PLXNA4: variants seen among roughly 807,000 people sequenced by gnomAD.
PLXNA4 encodes plexin-A4.
In PLXNA4, 44 loss-of-function variants were observed where a neutral mutation model predicts 191.8. The ratio of observed to expected loss-of-function variants is 0.23; its 90% CI spans 0.18 to 0.29. The LOEUF (loss-of-function observed/expected upper bound fraction) is 0.29, where lower values mean the gene tolerates loss of function less well. PLXNA4 is among the 10% of genes least tolerant of loss of function. The pLI is 1.00. For missense variants in PLXNA4, 1,800 were observed against 2,488.8 expected, an observed-to-expected ratio of 0.72 and a Z score of 5.89; for synonymous variants, 1,082 against 1,009.5, an observed-to-expected ratio of 1.07 and a Z score of -1.36.
At chr7:132,510,151 C>T (rs1244642167) in intron 1 of PLXNA4, among the ~76,000 whole-genome samples, 52 of 152,254 alleles carry the variant, frequency 3.4e-4, no homozygotes, top group Non-Finnish European at 1.5e-5. Context: ...GCAGGAATTG[C>T]CAACATCCTA....
intron 3 of PLXNA4, among the ~76,000 whole-genome samples, chr7:132,421,953 T>A (rs1362696412): frequency 6.6e-6 from 1 of 152,228 alleles, no homozygotes; most frequent in Non-Finnish European, 1.5e-5. Context: ...CCTCCTTGGC[T>A]GTGAAATAGA....
At position 132,600,276 on chromosome 7, in the gene PLXNA4, T is replaced by C. The variant is rs574953545; in HGVS notation, c.-87+45652A>G. Among the ~76,000 whole-genome samples, 7 of 152,336 alleles carry C rather than the reference T, an allele frequency of 4.6e-5. No individual in the cohort carries two copies. The East Asian group carries it at 1.3e-3, about 29-fold the overall frequency. On this transcript the variant is annotated intron_variant, in intron 2 of 4. Transcript: ENST00000378539. ...TTTGATAGAATGAACCTTAAAACTA[T>C]CTGGGCTTAGAGTTTGGGGAGATAA... is the stretch of plus-strand genomic sequence containing the variant.
intron 8 of PLXNA4, among the ~76,000 whole-genome samples, chr7:132,224,882 C>A (rs1305813236): frequency 6.6e-6 from 1 of 152,212 alleles, no homozygotes; most frequent in Non-Finnish European, 1.5e-5. Flanking sequence ...GCCTAGATCT[C>A]TGGTCATGTC....
At chr7:132,568,573 C>G (rs547893382) in intron 1 of PLXNA4, among the ~76,000 whole-genome samples, 104 of 152,274 alleles carry the variant, frequency 6.8e-4, no homozygotes, top group Middle Eastern at 3.4e-3. Flanking sequence ...CCTGACATCA[C>G]GCCACCCCAC....
chr7:132,181,471 G>T lies in PLXNA4; in HGVS notation c.3402C>A (p.Thr1134=). ...CCGGGTTGGGATAGTAGGTGAAGTT[G>T]GTCTTGTTGAGGATGAGCAGGGACT... is the stretch of plus-strand genomic sequence containing the variant. The part of the protein sequence containing the change: ...NVQSLLILNK[T]NFTYYPNPVF... The change falls in exon 18 of 32, where the codon ACC becomes ACA. Residue 1134 remains threonine (T), a synonymous_variant. Coordinates refer to ENST00000321063, the MANE Select transcript of PLXNA4 (RefSeq NM_020911.2). 6.2e-7 allele frequency: 1 copy of T among 1,614,152 alleles called. No homozygotes were observed. The highest frequency in any genetic ancestry group is 1.1e-5 in the South Asian group (1 of 91,064).
chr7:132,210,991 C>T lies in PLXNA4; in HGVS notation c.2250G>A (p.Val750=), dbSNP rs187195602. ...TGGAGCTGTTGAAGCGCAGGGCGGG[C>T]ACTCGCTGCTCGCTGCCCTGAATGT... ...ILNIQGSEQR[V]PALRFNSSSV... Residue 750 remains valine, a synonymous_variant, in exon 10 of 32, where the codon GTG becomes GTA. Coordinates refer to ENST00000321063, the MANE Select transcript of PLXNA4 (RefSeq NM_020911.2). The T allele has an allele frequency of 2.6e-4, 427 of 1,613,664 alleles. No individual in the cohort carries two copies. Among genetic ancestry groups the T allele is most frequent in the East Asian group, 4.5e-5 (2 of 44,876 alleles).
intron 3 of PLXNA4, among the ~76,000 whole-genome samples, chr7:132,308,297 C>G (rs1337541823): frequency 1.3e-5 from 2 of 152,188 alleles, no homozygotes; most frequent in African/African-American, 4.8e-5. Context: ...CTTGGTAGGT[C>G]AGCCACCCCG....
chr7:132,420,455 A>G (rs1794811325), intron 3 of PLXNA4, among the ~76,000 whole-genome samples: 1 of 152,160 alleles, frequency 6.6e-6, no homozygotes, highest in Non-Finnish European at 1.5e-5. Context: ...ACCTAGCCTC[A>G]GGCTCCAGCC....
intron 15 of PLXNA4, among the ~76,000 whole-genome samples, chr7:132,186,532 A>C (rs1796883324): frequency 6.6e-6 from 1 of 152,214 alleles, no homozygotes; most frequent in Admixed American, 6.5e-5. Context: ...ACTGAGCCCA[A>C]ATCCTCTCCC....
At chr7:132,377,308 A>G (rs188600114) in intron 3 of PLXNA4, among the ~76,000 whole-genome samples, 108 of 152,176 alleles carry the variant, frequency 7.1e-4, no homozygotes, top group Middle Eastern at 3.4e-3. Flanking sequence ...TTCCAAGCCA[A>G]GTGACCTTTG....
intron 13 of PLXNA4, among the ~76,000 whole-genome samples, chr7:132,198,177 T>G (rs958996184): frequency 6.6e-6 from 1 of 152,166 alleles, no homozygotes; most frequent in African/African-American, 2.4e-5. Context: ...GGATTTACAC[T>G]TCTCTTGCAG....
intron 9 of PLXNA4, among the ~76,000 whole-genome samples, chr7:132,211,773 C>T (rs1241821619): frequency 6.6e-6 from 1 of 152,172 alleles, no homozygotes; most frequent in Non-Finnish European, 1.5e-5. Flanking sequence ...AGAGTAGAAA[C>T]ACTCTGAGCT....
chr7:132,380,145 G>A (rs1804830561), intron 3 of PLXNA4, among the ~76,000 whole-genome samples: 1 of 152,130 alleles, frequency 6.6e-6, no homozygotes, highest in Admixed American at 6.5e-5. Flanking sequence ...CCTCCCCTTG[G>A]GGCTTCCGGG....
chr7:132,277,069 G>C lies in PLXNA4; in HGVS notation c.1503+21022C>G, dbSNP rs561331086. ...GGTGGGATTGAGAAGATATTAGTGA[G>C]GAAGCAGGAGAGGAAGGAGTCACTT... On this transcript the variant is annotated intron_variant, in intron 4 of 31. Coordinates refer to ENST00000321063, the MANE Select transcript of PLXNA4 (RefSeq NM_020911.2). Among the ~76,000 whole-genome samples, 32 of 152,304 alleles carry C rather than the reference G, an allele frequency of 2.1e-4. No individual in the cohort carries two copies. In the South Asian group the frequency reaches 4.8e-3, roughly 23 times the overall value.
In PLXNA4 at chr7:132,159,715, C is replaced by T. The variant is rs1032354874; in HGVS notation, c.4501-83G>A. ...GATCCCCAGCAGCACCCTGGGATTC[C>T]GTCCTGAATGGCTCATCCTCTCCAG... On this transcript the variant is annotated intron_variant, in intron 24 of 31. Transcript: ENST00000321063. The T allele has an allele frequency of 4.3e-5, 67 of 1,571,670 alleles. No homozygotes were observed. In the East Asian group the frequency reaches 7.8e-4, roughly 18 times the overall value.
At chr7:132,178,165 A>C (rs964075838) in intron 20 of PLXNA4, among the ~76,000 whole-genome samples, 1 of 152,206 alleles carries the variant, frequency 6.6e-6, no homozygotes, top group Admixed American at 6.5e-5. Flanking sequence ...TCAGCCCTAC[A>C]GCCTTACCTT....
intron 1 of PLXNA4, among the ~76,000 whole-genome samples, chr7:132,539,848 G>GT (rs1216593420): frequency 1.3e-5 from 2 of 152,196 alleles, no homozygotes. Flanking sequence ...GGCTTAGAGA[G>GT]TTTTTGAAAG....
At chr7:132,323,192 T>TA (rs1802240297) in intron 3 of PLXNA4, among the ~76,000 whole-genome samples, 1 of 152,182 alleles carries the variant, frequency 6.6e-6, no homozygotes, top group African/African-American at 2.4e-5. Flanking sequence ...CACCAGGCCT[T>TA]AAATCACCTG....
chr7:132,627,286 A>G (rs1273484551), intron 2 of PLXNA4, among the ~76,000 whole-genome samples: 6 of 152,140 alleles, frequency 3.9e-5, no homozygotes, highest in African/African-American at 1.4e-4. Context: ...TCAACTTCCT[A>G]TTATGAAAGA....
Sources: allele counts gnomAD v4.1 joint callset (sites outside exome capture counted in the v4.1 genomes callset), GRCh38; gene constraint gnomAD v4.1.1; transcripts MANE v1.5; gene names NCBI Gene and HGNC (gene_info 2026-07-23, HGNC 2026-07-21).